GFPT1: variants seen among roughly 807,000 people sequenced by gnomAD.
GFPT1 encodes glutamine--fructose-6-phosphate transaminase 1, also known as glutamine--fructose-6-phosphate aminotransferase [isomerizing] 1.
Under a neutral mutation model 92.0 loss-of-function variants are expected in GFPT1, and 40 were observed. That is an observed-to-expected ratio of 0.43 (90% CI 0.34 to 0.57). The LOEUF is 0.57. Ranked by LOEUF, GFPT1 falls within the 20% of genes least tolerant of loss-of-function variation. The probability of loss-of-function intolerance (pLI) is 0.02; values close to 1 mark genes in which losing one functional copy is unlikely to be tolerated. For synonymous variants in GFPT1, 269 were observed against 280.6 expected, an observed-to-expected ratio of 0.96 and a Z score of 0.41; for missense variants, 448 against 869.1, an observed-to-expected ratio of 0.52 and a Z score of 6.09.
At chr2:69,348,715 A>G (rs1671139578) in intron 10 of GFPT1, among the ~76,000 whole-genome samples, 1 of 152,090 alleles carries the variant, frequency 6.6e-6, no homozygotes, top group South Asian at 2.1e-4. Context: ...CGATCTCCCA[A>G]TTAGTCCACC....
In GFPT1 at chr2:69,326,197, C is replaced by T; in HGVS notation, c.2092G>A (p.Val698Ile). ...FPRNLAKSVT[V>I]E ...TTTTGTATAGATATTCCTCACTCTACAGTCACAGATTTGGCAAGATTCCGT... is the reference window on the plus strand; with the variant it reads ...TTTTGTATAGATATTCCTCACTCTATAGTCACAGATTTGGCAAGATTCCGT... The change falls in exon 20 of 20, where the codon GTA becomes ATA. Residue 698 changes from valine to isoleucine, a missense_variant. Val to Ile is a conservative substitution (Grantham distance 29). This residue lies in a region of GFPT1 where 55 missense variants were observed against 98.8 expected (regional missense o/e 0.56). Coordinates refer to ENST00000357308, the MANE Select transcript of GFPT1 (RefSeq NM_001244710.2). The T allele has an allele frequency of 6.3e-7, 1 of 1,589,932 alleles. No individual in the cohort carries two copies. The highest frequency in any genetic ancestry group is 8.6e-7 in the Non-Finnish European group (1 of 1,161,256).
intron 12 of GFPT1, among the ~76,000 whole-genome samples, chr2:69,344,640 A>G (rs1188199690): frequency 2.6e-5 from 4 of 151,728 alleles, no homozygotes; most frequent in Admixed American, 1.3e-4. Flanking sequence ...TAATACAGAT[A>G]TAAGTACTCT....
intron 3 of GFPT1, among the ~76,000 whole-genome samples, chr2:69,369,662 A>G (rs573042792): frequency 6.6e-6 from 1 of 152,330 alleles, no homozygotes; most frequent in East Asian, 1.9e-4. Context: ...GACATGTGTA[A>G]AAGGGCATCA....
At chr2:69,353,063 T>TA (rs997408350) in intron 9 of GFPT1, among the ~76,000 whole-genome samples, 6 of 150,562 alleles carry the variant, frequency 4.0e-5, no homozygotes, top group African/African-American at 1.2e-4. Context: ...ATAAATAAGG[T>TA]AAAAAAAATT....
chr2:69,345,264 AG>A (rs1671056421), intron 12 of GFPT1, among the ~76,000 whole-genome samples: 3 of 152,186 alleles, frequency 2.0e-5, no homozygotes, highest in African/African-American at 7.2e-5. Context: ...CCTAAAAAAA[AG>A]AGTAGTGTTG....
intron 1 of GFPT1, among the ~76,000 whole-genome samples, chr2:69,381,549 C>T (rs1180961024): frequency 1.3e-5 from 2 of 151,244 alleles, no homozygotes. Context: ...CTCTCCCCTA[C>T]TTGTAACTTT....
chr2:69,366,268 A>T (rs1671608592), intron 3 of GFPT1, among the ~76,000 whole-genome samples: 1 of 152,242 alleles, frequency 6.6e-6, no homozygotes, highest in South Asian at 2.1e-4. Flanking sequence ...TGCTGTAGGA[A>T]CATTACCGAA....
At chr2:69,336,129 A>C (rs1337773184) in intron 15 of GFPT1, among the ~76,000 whole-genome samples, 1 of 151,958 alleles carries the variant, frequency 6.6e-6, no homozygotes, top group Non-Finnish European at 1.5e-5. Flanking sequence ...ACTTGAGGTC[A>C]GGAGTTCAAG....
At chr2:69,328,129 G>T in intron 18 of GFPT1, 142 bp downstream of exon 18, 13 of 606,834 alleles carry the variant, frequency 2.1e-5, no homozygotes, top group Middle Eastern at 4.0e-4. Context: ...TTAAGTATCT[G>T]ATTCCTCACA....
chr2:69,338,085 A>G, intron 14 of GFPT1, 30 bp from the exon 15 acceptor site: 1 of 1,608,378 alleles, frequency 6.2e-7, no homozygotes, highest in Non-Finnish European at 8.5e-7. Flanking sequence ...ACCATAACAC[A>G]CAGAACAGTT....
intron 13 of GFPT1, among the ~76,000 whole-genome samples, chr2:69,340,810 T>C (rs1259353022): frequency 6.6e-6 from 1 of 152,200 alleles, no homozygotes; most frequent in Non-Finnish European, 1.5e-5. Flanking sequence ...CATTAGAGAA[T>C]TCTAACAGAG....
At chr2:69,329,842 C>A in intron 15 of GFPT1, 44 bp from the exon 16 acceptor site, 1 of 969,628 alleles carries the variant, frequency 1.0e-6, no homozygotes, top group South Asian at 1.3e-5. Context: ...GCAGCTGCAT[C>A]TGAAGAATTT....
intron 1 of GFPT1, among the ~76,000 whole-genome samples, chr2:69,376,986 A>C (rs1157835563): frequency 1.3e-5 from 2 of 152,052 alleles, no homozygotes; most frequent in Non-Finnish European, 2.9e-5. Context: ...AGGCGAGTGG[A>C]TCACATGAGG....
chr2:69,366,271 T>A (rs1671608804), intron 3 of GFPT1, among the ~76,000 whole-genome samples: 1 of 152,230 alleles, frequency 6.6e-6, no homozygotes, highest in African/African-American at 2.4e-5. Flanking sequence ...TGTAGGAACA[T>A]TACCGAATGT....
intron 15 of GFPT1, among the ~76,000 whole-genome samples, chr2:69,332,500 T>C (rs1229717305): frequency 2.0e-5 from 3 of 151,614 alleles, no homozygotes; most frequent in Non-Finnish European, 4.4e-5. Context: ...GTTTTTTTAG[T>C]AGAGACGGGG....
In GFPT1 at chr2:69,361,762, T is replaced by A. The variant is rs182921274; in HGVS notation, c.349+1783A>T. 1.9e-3 allele frequency among the ~76,000 whole-genome samples: 296 copies of A among 152,188 alleles called. 1 individual carries two copies. Among genetic ancestry groups the A allele is most frequent in the South Asian group, 0.011 (54 of 4,822 alleles). On this transcript the variant is annotated intron_variant, in intron 4 of 19. Transcript: ENST00000357308. ...GGGAGGCTGAGGTGGGAAGATTACT[T>A]GAGTCCAGAAATTTGTAACCAGCCT...
chr2:69,352,523 C>G (rs6713705), intron 9 of GFPT1, among the ~76,000 whole-genome samples: 98,033 of 149,444 alleles, frequency 0.66, 33,212 homozygotes, highest in African/African-American at 0.85. Context: ...TGAGGCAAGA[C>G]ACTCGCTTGA....
rs141025262 is a variant in GFPT1, at chr2:69,341,117, C to A, written c.1203+1035G>T. Among the ~76,000 whole-genome samples the A allele has an allele frequency of 1.6e-3, 239 of 151,874 alleles. 5 individuals carry two copies. In the East Asian group the frequency reaches 0.039, roughly 25 times the overall value. ...AGGACTACAGGGAGTTGCCACCACA[C>A]CCCGATAATTTTTTTTTTTTGGTAG... On this transcript the variant is annotated intron_variant, in intron 13 of 19. Coordinates refer to ENST00000357308, the MANE Select transcript of GFPT1 (RefSeq NM_001244710.2).
At chr2:69,340,864 G>A (rs190159816) in intron 13 of GFPT1, among the ~76,000 whole-genome samples, 3 of 152,124 alleles carry the variant, frequency 2.0e-5, no homozygotes, top group East Asian at 1.9e-4. Flanking sequence ...TAGATGAAGC[G>A]TTTAATCAAA....
Sources: allele counts gnomAD v4.1 joint callset (sites outside exome capture counted in the v4.1 genomes callset), GRCh38; gene constraint gnomAD v4.1.1; regional missense constraint gnomAD v4.1.1; transcripts MANE v1.5; gene names NCBI Gene and HGNC (gene_info 2026-07-23, HGNC 2026-07-21).